The following CEP128 variants were observed in gnomAD, a reference collection of about 807,000 sequenced individuals.
CEP128 encodes centrosomal protein 128, also known as centrosomal protein 128kDa.
Under a neutral mutation model 156.7 loss-of-function variants are expected in CEP128, and 132 were observed. The observed-to-expected ratio is 0.84, with a 90% CI of 0.73 to 0.97. The LOEUF is 0.97. Ranked by LOEUF, CEP128 falls within the 50% of genes least tolerant of loss-of-function variation. CEP128 has a pLI of 0.00. For missense variants in CEP128, 1,252 were observed against 1,281.9 expected, an observed-to-expected ratio of 0.98 and a Z score of 0.36; for synonymous variants, 469 against 448.9, an observed-to-expected ratio of 1.04 and a Z score of -0.57.
At chr14:80,888,773 T>C (rs1888933958) in intron 8 of CEP128, among the ~76,000 whole-genome samples, 1 of 152,204 alleles carries the variant, frequency 6.6e-6, no homozygotes, top group Admixed American at 6.5e-5. Flanking sequence ...TTGGAAGTTC[T>C]GGCCAGGGCA....
Position 80,526,986 on chromosome 14 carries a change from GA to G in CEP128, c.2959-5del, listed in dbSNP as rs34838656. On this transcript the variant is annotated splice_region_variant and splice_polypyrimidine_tract_variant and intron_variant, in intron 22 of 24. Coordinates refer to ENST00000555265, the MANE Select transcript of CEP128 (RefSeq NM_152446.5). ...TCTCAGATGAACTGCAGGAATCCTG[GA>G]AAAAAAAAAAAGCAAAGGGTCTGAA... is the stretch of plus-strand genomic sequence containing the variant. 4.3e-3 allele frequency: 4,353 copies of G among 1,001,748 alleles called. 3 individuals carry two copies. The highest frequency in any genetic ancestry group is 0.016 in the African/African-American group (962 of 61,432). The allele number at this position is 1,001,748 out of a possible 1,614,324, so 62.1% of individuals were successfully genotyped here.
At position 80,622,775 on chromosome 14, in the gene CEP128, G is replaced by C. The variant is rs1421356982; in HGVS notation, c.2807-42352C>G. ...CACAATGAGATACCATCTCATACCA[G>C]TTAGAATGGCAATCATTAAAAAGTC... On this transcript the variant is annotated intron_variant, in intron 19 of 24. Coordinates refer to ENST00000555265, the MANE Select transcript of CEP128 (RefSeq NM_152446.5). 1.8e-3 allele frequency among the ~76,000 whole-genome samples: 273 copies of C among 150,866 alleles called. 1 individual carries two copies. Among genetic ancestry groups the C allele is most frequent in the Middle Eastern group, 3.4e-3 (1 of 290 alleles).
intron 4 of CEP128, among the ~76,000 whole-genome samples, chr14:80,906,877 C>T (rs1317380570): frequency 2.6e-5 from 4 of 152,218 alleles, no homozygotes; most frequent in East Asian, 1.9e-4. Flanking sequence ...TGGGAAACTT[C>T]GGGTCTAGAT....
chr14:80,755,728 C>T (rs967795651), intron 18 of CEP128, among the ~76,000 whole-genome samples: 1 of 152,166 alleles, frequency 6.6e-6, no homozygotes, highest in Non-Finnish European at 1.5e-5. Context: ...GCTGTCCAGT[C>T]ATAGTTCATG....
chr14:80,569,815 A>C (rs907125354), intron 20 of CEP128, among the ~76,000 whole-genome samples: 26 of 152,278 alleles, frequency 1.7e-4, no homozygotes, highest in African/African-American at 5.5e-4. Flanking sequence ...GCATAACATA[A>C]AAATACTCTA....
intron 8 of CEP128, among the ~76,000 whole-genome samples, chr14:80,891,459 G>GA (rs1400820309): frequency 6.6e-6 from 1 of 151,176 alleles, no homozygotes; most frequent in Non-Finnish European, 1.5e-5. Flanking sequence ...GGCACAGAAA[G>GA]AAAAACAATA....
chr14:80,761,142 G>T (rs1352211137), intron 17 of CEP128, among the ~76,000 whole-genome samples: 1 of 151,336 alleles, frequency 6.6e-6, no homozygotes, highest in Non-Finnish European at 1.5e-5. Context: ...GCCTGCGATA[G>T]TGAAAACTCA....
At chr14:80,646,611 A>C (rs1361840507) in intron 19 of CEP128, among the ~76,000 whole-genome samples, 1 of 152,082 alleles carries the variant, frequency 6.6e-6, no homozygotes, top group East Asian at 1.9e-4. Context: ...ACATACTTAC[A>C]AAATGAGATC....
intron 19 of CEP128, among the ~76,000 whole-genome samples, chr14:80,704,377 A>G (rs574125316): frequency 1.3e-5 from 2 of 152,184 alleles, no homozygotes; most frequent in East Asian, 3.9e-4. Flanking sequence ...TGAAGGATTT[A>G]GTTATTTTTT....
At chr14:80,811,216 C>A (rs771160028) in intron 13 of CEP128, among the ~76,000 whole-genome samples, 1 of 152,072 alleles carries the variant, frequency 6.6e-6, no homozygotes, top group Non-Finnish European at 1.5e-5. Context: ...GATTCCATGT[C>A]TTTGCTATTG....
At chr14:80,922,635 A>C (rs1884929737) in intron 2 of CEP128, among the ~76,000 whole-genome samples, 1 of 152,240 alleles carries the variant, frequency 6.6e-6, no homozygotes, top group African/African-American at 2.4e-5. Flanking sequence ...TATAATTTGA[A>C]GCGCAAAGAC....
chr14:80,724,998 C>CATATATATATACATATATGATATATATAT (rs1566878624), intron 19 of CEP128, among the ~76,000 whole-genome samples: 170 of 143,782 alleles, frequency 1.2e-3, no homozygotes, highest in African/African-American at 4.2e-3. Context: ...ATACATATAT[C>CATATATATATACATATATGATATATATAT]ATATATATAT....
chr14:80,880,969 G>C (rs375487532), intron 8 of CEP128, among the ~76,000 whole-genome samples: 36 of 147,128 alleles, frequency 2.4e-4, no homozygotes, highest in African/African-American at 7.4e-4. Context: ...ACACAATTAT[G>C]TAACTGAAAA....
rs752513544 is a variant in CEP128, at chr14:80,506,984, G to A, written c.3073-1964C>T. Among the ~76,000 whole-genome samples, 16 of 152,096 alleles carry A rather than the reference G, an allele frequency of 1.1e-4. No individual in the cohort carries two copies. The South Asian group carries it at 2.9e-3, about 28-fold the overall frequency. ...CTTGGTGCCGTCCTTGCAATAGTGA[G>A]GGAGCAACCAGGGAGATCTGGTTGT... On this transcript the variant is annotated intron_variant, in intron 23 of 24. Coordinates refer to ENST00000555265, the MANE Select transcript of CEP128 (RefSeq NM_152446.5).
chr14:80,669,344 A>G (rs540166306), intron 19 of CEP128, among the ~76,000 whole-genome samples: 1 of 152,326 alleles, frequency 6.6e-6, no homozygotes, highest in African/African-American at 2.4e-5. Context: ...GCTTCTGTAC[A>G]GCATAAGAAA....
chr14:80,762,126 A>T (rs1566900222), intron 16 of CEP128, among the ~76,000 whole-genome samples: 1 of 152,112 alleles, frequency 6.6e-6, no homozygotes, highest in Non-Finnish European at 1.5e-5. Context: ...TTACCACATA[A>T]ATGCTTTTGA....
At chr14:80,543,875 C>A (rs1202339203) in intron 21 of CEP128, among the ~76,000 whole-genome samples, 1 of 152,184 alleles carries the variant, frequency 6.6e-6, no homozygotes, top group Non-Finnish European at 1.5e-5. Flanking sequence ...ATGAGTAAGT[C>A]CTGCAGCCTT....
chr14:80,950,197 C>T (rs192474926), intron 2 of CEP128, among the ~76,000 whole-genome samples: 3 of 152,244 alleles, frequency 2.0e-5, no homozygotes, highest in South Asian at 2.1e-4. Flanking sequence ...CCAGCGACCA[C>T]TAGAAGCTAG....
intron 19 of CEP128, among the ~76,000 whole-genome samples, chr14:80,622,311 G>A (rs1489128512): frequency 2.6e-5 from 4 of 152,028 alleles, no homozygotes; most frequent in African/African-American, 9.7e-5. Flanking sequence ...TTTAATTCAA[G>A]ATGGATTAAA....
Sources: gnomAD v4.1 joint callset for allele counts (sites outside exome capture counted in the v4.1 genomes callset) on GRCh38, gnomAD v4.1.1 for gene constraint, MANE v1.5 for transcripts, NCBI Gene and HGNC (gene_info 2026-07-23, HGNC 2026-07-21) for gene names.